Variants in PCDH15 observed in about 807,000 individuals in gnomAD.
The protein encoded by PCDH15 is protocadherin related 15.
A neutral mutation model predicts 178.5 loss-of-function variants in PCDH15; 129 were observed. The observed-to-expected ratio is 0.72, with a 90% CI of 0.63 to 0.84. The LOEUF is 0.84. PCDH15 is among the 40% of genes least tolerant of loss of function. PCDH15 has a pLI of 0.00. For missense variants in PCDH15, 2,230 were observed against 2,099.9 expected (o/e 1.06, Z -1.21); for synonymous variants, 800 against 732.0 (o/e 1.09, Z -1.50).
At chr10:54,575,508 T>G (rs1485962475) in intron 2 of PCDH15, among the ~76,000 whole-genome samples, 1 of 152,176 alleles carries the variant, frequency 6.6e-6, no homozygotes, top group African/African-American at 2.4e-5. Flanking sequence ...CTCATGATGT[T>G]GGTAGCAGGG....
Position 53,927,165 on chromosome 10 carries a change from T to TGC in PCDH15, c.3373+11649_3373+11650insGC, listed in dbSNP as rs969222359. ...GTAAATGCAAGTGTGTGTGTGTGTG[T>TGC]GTGTGTGAATGTTAACATTAGTCAA... is the stretch of plus-strand genomic sequence containing the variant. On this transcript the variant is annotated intron_variant, in intron 25 of 37. Coordinates refer to ENST00000644397, the MANE Select transcript of PCDH15 (RefSeq NM_001384140.1). 5.9e-5 allele frequency among the ~76,000 whole-genome samples: 9 copies of TGC among 151,962 alleles called. No individual in the cohort carries two copies. The East Asian group carries it at 1.7e-3, about 29-fold the overall frequency.
chr10:54,632,839 C>T (rs2093738399), intron 2 of PCDH15, among the ~76,000 whole-genome samples: 1 of 151,976 alleles, frequency 6.6e-6, no homozygotes. Context: ...TGAATACTAC[C>T]TCAAAGGACT....
chr10:55,365,854 T>A (rs1845344155), intron 2 of PCDH15, among the ~76,000 whole-genome samples: 1 of 152,104 alleles, frequency 6.6e-6, no homozygotes, highest in Non-Finnish European at 1.5e-5. Context: ...AACAGACTTA[T>A]ACACTAGATG....
intron 2 of PCDH15, among the ~76,000 whole-genome samples, chr10:54,941,781 A>G (rs1361222503): frequency 6.6e-6 from 1 of 152,084 alleles, no homozygotes; most frequent in Non-Finnish European, 1.5e-5. Flanking sequence ...AGTTTTTACT[A>G]ACTTGGTTTG....
chr10:55,608,582 G>C (rs1425103001), intron 2 of PCDH15, among the ~76,000 whole-genome samples: 1 of 151,728 alleles, frequency 6.6e-6, no homozygotes, highest in Non-Finnish European at 1.5e-5. Context: ...AACACCATGG[G>C]TTCTGTCTAG....
chr10:55,391,694 GCCAGGCTGGTCTCAAACT>G (rs1050335999), intron 2 of PCDH15, among the ~76,000 whole-genome samples: 25 of 151,976 alleles, frequency 1.6e-4, no homozygotes, highest in Admixed American at 1.6e-3. Context: ...CAACATGTTG[GCCAGGCTGGTCTCAAACT>G]CCTGACCTTG....
intron 2 of PCDH15, among the ~76,000 whole-genome samples, chr10:55,346,623 G>A (rs753759313): frequency 6.6e-6 from 1 of 150,866 alleles, no homozygotes; most frequent in Admixed American, 6.6e-5. Flanking sequence ...ACAAACAAAC[G>A]AATTACCCCA....
chr10:54,400,617 T>C (rs1198358109), intron 3 of PCDH15, among the ~76,000 whole-genome samples: 2 of 152,112 alleles, frequency 1.3e-5, no homozygotes, highest in Non-Finnish European at 2.9e-5. Context: ...TAATATGTAC[T>C]CTTTCAGTGC....
intron 3 of PCDH15, among the ~76,000 whole-genome samples, chr10:54,877,474 T>C (rs1954166937): frequency 6.6e-6 from 1 of 152,178 alleles, no homozygotes. Flanking sequence ...TTTAACCAAT[T>C]TACTTGCTAA....
chr10:54,469,193 T>A (rs190231896), intron 3 of PCDH15, among the ~76,000 whole-genome samples: 4 of 152,220 alleles, frequency 2.6e-5, no homozygotes, highest in Admixed American at 6.5e-5. Context: ...ACCTCCAAGG[T>A]TCAAGCTTTT....
chr10:55,005,339 C>G (rs978172664), intron 2 of PCDH15, among the ~76,000 whole-genome samples: 1 of 151,788 alleles, frequency 6.6e-6, no homozygotes, highest in African/African-American at 2.4e-5. Context: ...CATAAATTAT[C>G]TTCCATAGCA....
chr10:54,871,398 A>C (rs1012247730), intron 3 of PCDH15, among the ~76,000 whole-genome samples: 1 of 150,766 alleles, frequency 6.6e-6, no homozygotes, highest in Non-Finnish European at 1.5e-5. Flanking sequence ...TGAAAAAAAA[A>C]TGTGGTCTAG....
At chr10:54,775,525 T>C (rs1949592211) in intron 1 of PCDH15, among the ~76,000 whole-genome samples, 1 of 152,218 alleles carries the variant, frequency 6.6e-6, no homozygotes, top group Non-Finnish European at 1.5e-5. Flanking sequence ...ATAGATATTA[T>C]TGTTAACCAT....
intron 2 of PCDH15, among the ~76,000 whole-genome samples, chr10:55,020,910 A>G (rs1840311366): frequency 6.6e-6 from 1 of 152,146 alleles, no homozygotes; most frequent in Non-Finnish European, 1.5e-5. Context: ...CCCTTGCCCT[A>G]TTATCTATCT....
chr10:54,726,635 A>C (rs1275014625), intron 1 of PCDH15, among the ~76,000 whole-genome samples: 5 of 151,612 alleles, frequency 3.3e-5, no homozygotes, highest in Non-Finnish European at 5.9e-5. Context: ...GTATAAATGC[A>C]ATCCAAGTAA....
chr10:55,173,614 T>C (rs544778936), intron 1 of PCDH15, among the ~76,000 whole-genome samples: 37 of 152,240 alleles, frequency 2.4e-4, no homozygotes, highest in East Asian at 3.9e-4. Context: ...AAAAAAACTA[T>C]TGTATAACTT....
At chr10:54,756,801 A>C (rs1347038688) in intron 1 of PCDH15, among the ~76,000 whole-genome samples, 1 of 152,236 alleles carries the variant, frequency 6.6e-6, no homozygotes, top group African/African-American at 2.4e-5. Flanking sequence ...ACAGGACAAC[A>C]GACTTCACAA....
At chr10:55,163,449 G>A (rs1839114123) in intron 2 of PCDH15, among the ~76,000 whole-genome samples, 1 of 152,054 alleles carries the variant, frequency 6.6e-6, no homozygotes. Flanking sequence ...TTTATCAGAG[G>A]CATTCGAACC....
At chr10:54,859,673 G>GT (rs1209525844) in intron 3 of PCDH15, among the ~76,000 whole-genome samples, 1 of 151,596 alleles carries the variant, frequency 6.6e-6, no homozygotes, top group Non-Finnish European at 1.5e-5. Flanking sequence ...TGATATAAGT[G>GT]TATCTGTTTT....
Sources: gnomAD v4.1 joint callset for allele counts (sites outside exome capture counted in the v4.1 genomes callset) on GRCh38, gnomAD v4.1.1 for gene constraint, MANE v1.5 for transcripts, NCBI Gene and HGNC (gene_info 2026-07-23, HGNC 2026-07-21) for gene names.